ADGRG6: variants seen among roughly 807,000 people sequenced by gnomAD.
ADGRG6 encodes the protein G-protein coupled receptor 126.
Under a neutral mutation model 142.4 loss-of-function variants are expected in ADGRG6, and 84 were observed. That is an observed-to-expected ratio of 0.59 (90% CI 0.49 to 0.71). ADGRG6 has a LOEUF of 0.71. ADGRG6 is among the 30% of genes least tolerant of loss of function. ADGRG6 has a pLI of 0.00. For synonymous variants in ADGRG6, 521 were observed against 520.5 expected (o/e 1.00, Z -0.01); for missense variants, 1,367 against 1,466.6 (o/e 0.93, Z 1.11).
At chr6:142,405,387 T>G in intron 14 of ADGRG6, 2 of 495,494 alleles carry the variant, frequency 4.0e-6, no homozygotes, top group South Asian at 1.5e-5. Context: ...CAAAATCTGC[T>G]GCTGGTAAAT....
At chr6:142,417,000 G>A in intron 20 of ADGRG6, 1 of 450,412 alleles carries the variant, frequency 2.2e-6, no homozygotes, top group Non-Finnish European at 4.1e-6. Context: ...GTTTTCCAGT[G>A]AGTCCCACTA....
intron 9 of ADGRG6, among the ~76,000 whole-genome samples, chr6:142,394,418 C>T (rs1775063159): frequency 6.6e-6 from 1 of 152,204 alleles, no homozygotes; most frequent in Admixed American, 6.5e-5. Flanking sequence ...ATGCCTTAAT[C>T]ATGCAGGTAA....
rs1777958193 is a variant in ADGRG6, at chr6:142,446,038, AG to A, written c.*2524del. ...TTCCTTTCTTAGCTTGATATTGCCT[AG>A]CTTTGTTGTTTTAATTAACTTTCTA... On this transcript the variant is annotated 3_prime_UTR_variant, in exon 25 of 25. Coordinates refer to ENST00000367609, the MANE Select transcript of ADGRG6 (RefSeq NM_198569.3). 6.6e-6 allele frequency: 1 copy of A among 152,390 alleles called. No homozygotes were observed. The highest frequency in any genetic ancestry group is 2.4e-5 in the African/African-American group (1 of 41,374). 9.4% of individuals were successfully genotyped at this position (152,390 alleles called of 1,614,324 possible).
rs145605262 is a variant in ADGRG6 at position 142,400,392 on chromosome 6, CA to C, written c.1568-92del. ...TTACATTAAAGAAATACCTAATTAC[CA>C]GCATTGTCATTTTGCTTTCATCCTG... On this transcript the variant is annotated intron_variant, in intron 10 of 24. Coordinates refer to ENST00000367609, the MANE Select transcript of ADGRG6 (RefSeq NM_198569.3). 2,755 of 645,100 alleles carry C rather than the reference CA, an allele frequency of 4.3e-3. 56 individuals carry two copies. The highest frequency in any genetic ancestry group is 0.04 in the African/African-American group (2,189 of 55,130). 40.0% of individuals were successfully genotyped at this position (645,100 alleles called of 1,614,324 possible).
chr6:142,358,930 GC>G (rs1175098992), intron 2 of ADGRG6, among the ~76,000 whole-genome samples: 1 of 151,836 alleles, frequency 6.6e-6, no homozygotes, highest in Non-Finnish European at 1.5e-5. Flanking sequence ...TGGTGCAGTG[GC>G]TCATGCCTGC....
At chr6:142,309,410 C>A in intron 1 of ADGRG6, 134 bp from the exon 2 acceptor site, 1 of 535,166 alleles carries the variant, frequency 1.9e-6, no homozygotes, top group Non-Finnish European at 3.3e-6. Flanking sequence ...CTTTTAAGTT[C>A]CTCCTCTATT....
chr6:142,411,048 A>T (rs1177740481), intron 17 of ADGRG6, among the ~76,000 whole-genome samples: 3 of 152,132 alleles, frequency 2.0e-5, no homozygotes, highest in African/African-American at 7.2e-5. Flanking sequence ...ATTAAACTTG[A>T]ATCAAACATT....
chr6:142,394,632 A>T (rs1775077679), intron 9 of ADGRG6, among the ~76,000 whole-genome samples: 1 of 141,148 alleles, frequency 7.1e-6, no homozygotes, highest in Admixed American at 7.4e-5. Flanking sequence ...CCCGGGCTGG[A>T]GTGCAGTGGT....
chr6:142,314,907 C>G (rs1315388308), intron 2 of ADGRG6, among the ~76,000 whole-genome samples: 11 of 151,810 alleles, frequency 7.2e-5, no homozygotes, highest in Admixed American at 1.3e-4. Context: ...ATGAAGGAAT[C>G]TCAGTATTGA....
chr6:142,377,478 ATCTGATGTAAACACTTGTGGGGCGGG>A (rs1781558956), intron 4 of ADGRG6, among the ~76,000 whole-genome samples: 1 of 152,182 alleles, frequency 6.6e-6, no homozygotes, highest in Non-Finnish European at 1.5e-5. Flanking sequence ...GCACGAAAGC[ATCTGATGTAAACACTTGTGGGGCGGG>A]TGGGAGATTC....
chr6:142,433,929 G>T (rs1777347985), intron 22 of ADGRG6, among the ~76,000 whole-genome samples: 1 of 152,072 alleles, frequency 6.6e-6, no homozygotes. Context: ...CATGCCTATT[G>T]TCCAGGCAAC....
rs1200895456 is a variant in ADGRG6 at position 142,367,874 on chromosome 6, A to G, written c.409A>G (p.Ile137Val). 8 of 1,611,412 alleles carry G rather than the reference A, an allele frequency of 5.0e-6. No individual in the cohort carries two copies. The highest frequency in any genetic ancestry group is 2.7e-5 in the African/African-American group (2 of 74,904). Residue 137 changes from isoleucine to valine, a missense_variant, in exon 3 of 25, where the codon ATC becomes GTC. Transcript: ENST00000367609. ...MHVSFSSDFS[I>V]QKKGFNASYI... ...TGTGTCCTTTTCAAGTGACTTTAGC[A>G]TCCAGAAGAAAGGTTTCAATGCCAG...
chr6:142,363,825 A>G (rs912973133), intron 2 of ADGRG6, among the ~76,000 whole-genome samples: 7 of 152,188 alleles, frequency 4.6e-5, no homozygotes, highest in Admixed American at 4.6e-4. Flanking sequence ...TGGAAAATTC[A>G]AAGCACTATA....
chr6:142,309,695 T>C (rs1777672962), intron 2 of ADGRG6, 51 bp downstream of exon 2: 2 of 1,183,512 alleles, frequency 1.7e-6, no homozygotes, highest in East Asian at 5.0e-5. Context: ...TGACATTGTC[T>C]GCAGTGTAAG....
intron 18 of ADGRG6, among the ~76,000 whole-genome samples, chr6:142,413,899 TCACACACACACACACACACA>T (rs112923600): frequency 2.8e-5 from 4 of 141,486 alleles, no homozygotes; most frequent in Admixed American, 2.1e-4. Context: ...CATTTCTTTA[TCACACACACACACACACACA>T]CACACACACA....
At chr6:142,408,456 G>A (rs1775925476) in intron 16 of ADGRG6, among the ~76,000 whole-genome samples, 187 bp downstream of exon 16, 2 of 152,060 alleles carry the variant, frequency 1.3e-5, no homozygotes, top group African/African-American at 4.8e-5. Flanking sequence ...CAGCTGGAGA[G>A]GTTAGTCTTA....
intron 2 of ADGRG6, among the ~76,000 whole-genome samples, chr6:142,334,415 A>G (rs1416748182): frequency 6.6e-6 from 1 of 152,188 alleles, no homozygotes; most frequent in African/African-American, 2.4e-5. Flanking sequence ...TGAATTTGCA[A>G]ACATTAACAG....
chr6:142,318,246 ATATTATATATATT>A (rs1429165092), intron 2 of ADGRG6, among the ~76,000 whole-genome samples: 3 of 67,236 alleles, frequency 4.5e-5, no homozygotes, highest in South Asian at 3.4e-4. Flanking sequence ...ATATATTTAT[ATATTATATATATT>A]TATTATATAT....
intron 18 of ADGRG6, among the ~76,000 whole-genome samples, chr6:142,413,292 A>G (rs1338444436): frequency 6.6e-6 from 1 of 152,084 alleles, no homozygotes; most frequent in Non-Finnish European, 1.5e-5. Context: ...AGTTCACCAT[A>G]TGAGATGCTA....
Sources: allele counts gnomAD v4.1 joint callset (sites outside exome capture counted in the v4.1 genomes callset), GRCh38; gene constraint gnomAD v4.1.1; transcripts MANE v1.5; gene names NCBI Gene and HGNC (gene_info 2026-07-23, HGNC 2026-07-21).